Variants in KRTAP17-1 observed in about 807,000 individuals in gnomAD.
KRTAP17-1 encodes the protein keratin associated protein 17-1, also known as keratin-associated protein 17-1.
KRTAP17-1 carries 2 observed loss-of-function variants against 10.4 expected under a neutral mutation model. The ratio of observed to expected loss-of-function variants is 0.19; its 90% CI spans 0.08 to 0.61. The LOEUF (loss-of-function observed/expected upper bound fraction) is 0.61. KRTAP17-1 is among the 20% of genes least tolerant of loss of function. The probability of loss-of-function intolerance (pLI) is 0.89; values close to 1 mark genes in which losing one functional copy is unlikely to be tolerated. For synonymous variants in KRTAP17-1, 62 were observed against 52.7 expected (o/e 1.18, Z -0.77); for missense variants, 143 against 136.8 (o/e 1.05, Z -0.23).
In KRTAP17-1 at chr17:41,315,374, G is replaced by T; in HGVS notation, c.277C>A (p.Pro93Thr). Reference sequence around the variant, plus strand: ...ATAGGTGTGGGCTGGCAGCACACAGGCCCACAGCACCCGGAGCCGCAGCAA... The same window carrying T: ...ATAGGTGTGGGCTGGCAGCACACAGTCCCACAGCACCCGGAGCCGCAGCAA... ...SSCCGSGCCG[P>T]VCCQPTPICD... is the part of the protein sequence containing the mutation. The change falls in exon 1 of 1, where the codon CCT becomes ACT. Residue 93 changes from proline to threonine, a missense_variant. By Grantham distance (38) the Pro-to-Thr change is conservative (BLOSUM62 -1). Coordinates refer to ENST00000334202, the MANE Select transcript of KRTAP17-1 (RefSeq NM_031964.2). 6.2e-7 allele frequency: 1 copy of T among 1,611,408 alleles called. No homozygotes were observed.
rs1482220751 is a variant in KRTAP17-1 at position 41,315,165 on chromosome 17, T to C, written c.*168A>G. 6.1e-6 allele frequency: 4 copies of C among 652,536 alleles called. No individual in the cohort carries two copies. The East Asian group carries it at 1.1e-4, about 18-fold the overall frequency. The allele number at this position is 652,536 out of a possible 1,614,324, so 40.4% of individuals were successfully genotyped here. ...ATCAGAGTATGGCTCTTGTTCTCGG[T>C]GCCTTGAAATACCAGAGAAGGTGTT... On this transcript the variant is annotated 3_prime_UTR_variant, in exon 1 of 1. Coordinates refer to ENST00000334202, the MANE Select transcript of KRTAP17-1 (RefSeq NM_031964.2).
rs1308280887 is a variant in KRTAP17-1 at position 41,315,270 on chromosome 17, C to A, written c.*63G>T. The A allele has an allele frequency of 1.3e-6, 2 of 1,488,442 alleles. No homozygotes were observed. Among genetic ancestry groups the A allele is most frequent in the South Asian group, 2.5e-5 (2 of 80,424 alleles). 92.2% of individuals were successfully genotyped at this position (1,488,442 alleles called of 1,614,324 possible). On this transcript the variant is annotated 3_prime_UTR_variant, in exon 1 of 1. Coordinates refer to ENST00000334202, the MANE Select transcript of KRTAP17-1 (RefSeq NM_031964.2). Reference sequence around the variant, plus strand: ...TATGGAAGGTTCTGGACACGAGGGGCTGTCCCCCTGGAGCAGATGGAGGCT... The same window carrying A: ...TATGGAAGGTTCTGGACACGAGGGGATGTCCCCCTGGAGCAGATGGAGGCT...
Position 41,315,422 on chromosome 17 carries a change from C to T in KRTAP17-1, c.229G>A (p.Gly77Arg). The change falls in exon 1 of 1, where the codon GGA becomes AGA. Residue 77 changes from glycine (G) to arginine (R), a missense_variant. Coordinates refer to ENST00000334202, the MANE Select transcript of KRTAP17-1 (RefSeq NM_031964.2). ...CAACTGGACCCACAGCAACTGGATC[C>T]ACAGCAGCCACCCCCGCAGCCTCCG... ...GCGGCGGGCCGSSCCGSSCCG... is the reference protein window; with the variant it reads ...GCGGCGGGCCRSSCCGSSCCG... The T allele has an allele frequency of 6.2e-7, 1 of 1,611,156 alleles. No homozygotes were observed. Among genetic ancestry groups the T allele is most frequent in the Non-Finnish European group, 8.5e-7 (1 of 1,179,122 alleles).
At position 41,314,976 on chromosome 17, in the gene KRTAP17-1, T is replaced by C. The variant is rs1367775375; in HGVS notation, c.*357A>G. The stretch of plus-strand genomic sequence containing the variant: ...ACAAAGAAGATGGACCTTTTTTGCA[T>C]CTCAAAGCTGCAGAAAGCCAGGGCG... On this transcript the variant is annotated 3_prime_UTR_variant, in exon 1 of 1. Transcript: ENST00000334202. 2 of 212,402 alleles carry C rather than the reference T, an allele frequency of 9.4e-6. No homozygotes were observed. Among genetic ancestry groups the C allele is most frequent in the East Asian group, 2.1e-4 (2 of 9,306 alleles). 13.2% of individuals were successfully genotyped at this position (212,402 alleles called of 1,614,324 possible).
At position 41,315,433 on chromosome 17, in the gene KRTAP17-1, C is replaced by T. The variant is rs1191573220; in HGVS notation, c.218G>A (p.Gly73Asp). 5 of 1,608,978 alleles carry T rather than the reference C, an allele frequency of 3.1e-6. No homozygotes were observed. Among genetic ancestry groups the T allele is most frequent in the Non-Finnish European group, 4.2e-6 (5 of 1,178,098 alleles). Residue 73 changes from glycine (G) to aspartate (D), a missense_variant, in exon 1 of 1, where the codon GGT becomes GAT. Transcript: ENST00000334202. ...ACAGCAACTGGATCCACAGCAGCCA[C>T]CCCCGCAGCCTCCGCAGCCTCCACA... is the stretch of plus-strand genomic sequence containing the variant. ...GGCGGCGGCG[G>D]GCCGSSCCGS...
chr17:41,315,676 C>T lies in KRTAP17-1; in HGVS notation c.-26G>A. ...GGTCCGGGCCCGTCAGCTCGCAGGT[C>T]GGTAACGCAGCCGGAGTTCCCCACG... On this transcript the variant is annotated 5_prime_UTR_variant, in exon 1 of 1. Transcript: ENST00000334202. 6.4e-7 allele frequency: 1 copy of T among 1,564,096 alleles called. No homozygotes were observed. Among genetic ancestry groups the T allele is most frequent in the Non-Finnish European group, 8.7e-7 (1 of 1,151,448 alleles).
rs1430575646 is a variant in KRTAP17-1 at position 41,315,317 on chromosome 17, G to A, written c.*16C>T. On this transcript the variant is annotated 3_prime_UTR_variant, in exon 1 of 1. Coordinates refer to ENST00000334202, the MANE Select transcript of KRTAP17-1 (RefSeq NM_031964.2). ...GGCTTTCGGTGGGACTGCATCAGTG[G>A]TGGAGGGAAAGGTCTTCATTTTGTG... 1.3e-6 allele frequency: 2 copies of A among 1,589,862 alleles called. No individual in the cohort carries two copies. Among genetic ancestry groups the A allele is most frequent in the African/African-American group, 2.7e-5 (2 of 74,750 alleles).
At position 41,315,390 on chromosome 17, in the gene KRTAP17-1, GCCGCAGCAACTGGAC is replaced by G. The variant is rs771865567; in HGVS notation, c.246_260del (p.Ser84_Ser88del). On this transcript the variant is annotated inframe_deletion, in exon 1 of 1. Coordinates refer to ENST00000334202, the MANE Select transcript of KRTAP17-1 (RefSeq NM_031964.2). ...AGCACACAGGCCCACAGCACCCGGA[GCCGCAGCAACTGGAC>G]CCACAGCAACTGGATCCACAGCAGC... 3.1e-6 allele frequency: 5 copies of G among 1,612,424 alleles called. No homozygotes were observed. The East Asian group carries it at 8.9e-5, about 29-fold the overall frequency.
Position 41,315,364 on chromosome 17 carries a change from C to T in KRTAP17-1, c.287G>A (p.Cys96Tyr). 1.2e-6 allele frequency: 2 copies of T among 1,610,728 alleles called. No individual in the cohort carries two copies. The highest frequency in any genetic ancestry group is 2.2e-5 in the East Asian group (1 of 44,850). Residue 96 changes from cysteine (C) to tyrosine (Y), a missense_variant, in exon 1 of 1, where the codon TGC (cysteine) becomes TAC (tyrosine). Cys to Tyr is a radical substitution (Grantham distance 194, BLOSUM62 -2). Coordinates refer to ENST00000334202, the MANE Select transcript of KRTAP17-1 (RefSeq NM_031964.2). ...TGTGTCGCATATAGGTGTGGGCTGG[C>T]AGCACACAGGCCCACAGCACCCGGA... ...CGSGCCGPVC[C>Y]QPTPICDTK
Position 41,315,111 on chromosome 17 carries a change from A to G in KRTAP17-1, c.*222T>C, listed in dbSNP as rs1053420244. On this transcript the variant is annotated 3_prime_UTR_variant, in exon 1 of 1. Coordinates refer to ENST00000334202, the MANE Select transcript of KRTAP17-1 (RefSeq NM_031964.2). ...GGGATTCACCCTTGAGCTTGGGATC[A>G]CTTAGTTGTGACCGAGTTTTAATGT... 1.7e-6 allele frequency: 1 copy of G among 575,666 alleles called. No individual in the cohort carries two copies. Among genetic ancestry groups the G allele is most frequent in the Non-Finnish European group, 3.1e-6 (1 of 324,444 alleles). 35.7% of individuals were successfully genotyped at this position (575,666 alleles called of 1,614,324 possible).
In KRTAP17-1 at chr17:41,315,522, G is replaced by A. The variant is rs368577794; in HGVS notation, c.129C>T (p.Cys43=). The A allele has an allele frequency of 1.0e-5, 16 of 1,570,216 alleles. No homozygotes were observed. Among genetic ancestry groups the A allele is most frequent in the East Asian group, 2.3e-5 (1 of 42,976 alleles). The change falls in exon 1 of 1, where the codon TGC becomes TGT. Residue 43 remains cysteine (C), a synonymous_variant. Coordinates refer to ENST00000334202, the MANE Select transcript of KRTAP17-1 (RefSeq NM_031964.2). ...AGCTGCCCCCGCAGCCAGAGCCCCC[G>A]CAGCCAGAGCCCCCACAGCCACAGC... The part of the protein sequence containing the change: ...GSCCGCGGSG[C]GGSGCGGSCC...
Position 41,315,651 on chromosome 17 carries a change from G to A in KRTAP17-1, c.-1C>T, listed in dbSNP as rs1453010813. The A allele has an allele frequency of 6.3e-7, 1 of 1,592,246 alleles. No homozygotes were observed. The highest frequency in any genetic ancestry group is 1.7e-5 in the Admixed American group (1 of 59,010). ...AGCAGTCCCCCGGGCAGCACCCCAT[G>A]GTCCGGGCCCGTCAGCTCGCAGGTC... is the stretch of plus-strand genomic sequence containing the variant. On this transcript the variant is annotated 5_prime_UTR_variant, in exon 1 of 1. Coordinates refer to ENST00000334202, the MANE Select transcript of KRTAP17-1 (RefSeq NM_031964.2).
In KRTAP17-1 at chr17:41,315,637, G is replaced by C; in HGVS notation, c.14C>G (p.Pro5Arg). Residue 5 changes from proline (P) to arginine (R), a missense_variant, in exon 1 of 1, where the codon CCG becomes CGG. Transcript: ENST00000334202. ...GGTGCAGCAGGTGAAGCAGTCCCCC[G>C]GGCAGCACCCCATGGTCCGGGCCCG... MGCCPGDCFTCCTQE... is the reference protein window; with the variant it reads MGCCRGDCFTCCTQE... The C allele has an allele frequency of 6.2e-7, 1 of 1,605,382 alleles. No homozygotes were observed. Among genetic ancestry groups the C allele is most frequent in the Non-Finnish European group, 8.5e-7 (1 of 1,174,208 alleles).
In KRTAP17-1 at chr17:41,315,294, C is replaced by T. The variant is rs766999886; in HGVS notation, c.*39G>A. 1.8e-5 allele frequency: 28 copies of T among 1,559,290 alleles called. No individual in the cohort carries two copies. The highest frequency in any genetic ancestry group is 2.3e-5 in the Non-Finnish European group (27 of 1,154,200). On this transcript the variant is annotated 3_prime_UTR_variant, in exon 1 of 1. Coordinates refer to ENST00000334202, the MANE Select transcript of KRTAP17-1 (RefSeq NM_031964.2). ...GCTGTCCCCCTGGAGCAGATGGAGG[C>T]TTTCGGTGGGACTGCATCAGTGGTG...
chr17:41,315,264 G>T lies in KRTAP17-1; in HGVS notation c.*69C>A. ...TGGGGGTATGGAAGGTTCTGGACAC[G>T]AGGGGCTGTCCCCCTGGAGCAGATG... On this transcript the variant is annotated 3_prime_UTR_variant, in exon 1 of 1. Coordinates refer to ENST00000334202, the MANE Select transcript of KRTAP17-1 (RefSeq NM_031964.2). 6.8e-7 allele frequency: 1 copy of T among 1,463,864 alleles called. No individual in the cohort carries two copies. The highest frequency in any genetic ancestry group is 9.3e-7 in the Non-Finnish European group (1 of 1,077,496). 90.7% of individuals were successfully genotyped at this position (1,463,864 alleles called of 1,614,324 possible).
In KRTAP17-1 at chr17:41,315,700, C is replaced by G; in HGVS notation, c.-50G>C. 1 of 1,516,782 alleles carries G rather than the reference C, an allele frequency of 6.6e-7. No individual in the cohort carries two copies. The highest frequency in any genetic ancestry group is 8.9e-7 in the Non-Finnish European group (1 of 1,121,574). The allele number at this position is 1,516,782 out of a possible 1,614,324, so 94.0% of individuals were successfully genotyped here. On this transcript the variant is annotated 5_prime_UTR_variant, in exon 1 of 1. Coordinates refer to ENST00000334202, the MANE Select transcript of KRTAP17-1 (RefSeq NM_031964.2). The stretch of plus-strand genomic sequence containing the variant: ...TCGGTAACGCAGCCGGAGTTCCCCA[C>G]GACTGACGGTGGCCAGCCATCTGGA...
In KRTAP17-1 at chr17:41,315,259, G is replaced by T; in HGVS notation, c.*74C>A. The T allele has an allele frequency of 6.9e-7, 1 of 1,442,878 alleles. No individual in the cohort carries two copies. Among genetic ancestry groups the T allele is most frequent in the Non-Finnish European group, 9.4e-7 (1 of 1,060,662 alleles). The allele number at this position is 1,442,878 out of a possible 1,614,324, so 89.4% of individuals were successfully genotyped here. A position where few individuals can be genotyped will look rare whatever the true frequency, so the allele number is the denominator to read the frequency against. ...TGTCTTGGGGGTATGGAAGGTTCTGGACACGAGGGGCTGTCCCCCTGGAGC... is the reference window on the plus strand; with the variant it reads ...TGTCTTGGGGGTATGGAAGGTTCTGTACACGAGGGGCTGTCCCCCTGGAGC... On this transcript the variant is annotated 3_prime_UTR_variant, in exon 1 of 1. Coordinates refer to ENST00000334202, the MANE Select transcript of KRTAP17-1 (RefSeq NM_031964.2).
rs1233553172 is a variant in KRTAP17-1, at chr17:41,315,611, G to T, written c.40C>A (p.Gln14Lys). ...CACTCTTCACAGCAGTTTTGCTCCT[G>T]GGTGCAGCAGGTGAAGCAGTCCCCC... ...CPGDCFTCCT[Q>K]EQNCCEECCC... The change falls in exon 1 of 1, where the codon CAG (glutamine) becomes AAG (lysine). Residue 14 changes from glutamine to lysine, a missense_variant. Coordinates refer to ENST00000334202, the MANE Select transcript of KRTAP17-1 (RefSeq NM_031964.2). 9 of 1,612,946 alleles carry T rather than the reference G, an allele frequency of 5.6e-6. No individual in the cohort carries two copies. Among genetic ancestry groups the T allele is most frequent in the Non-Finnish European group, 7.6e-6 (9 of 1,179,316 alleles).
rs1378007822 is a variant in KRTAP17-1 at position 41,315,405 on chromosome 17, CCCACAGCAACTGGAT to C, written c.231_245del (p.Ser84_Ser88del). 36 of 1,612,580 alleles carry C rather than the reference CCCACAGCAACTGGAT, an allele frequency of 2.2e-5. No individual in the cohort carries two copies. Among genetic ancestry groups the C allele is most frequent in the African/African-American group, 4.0e-5 (3 of 74,880 alleles). On this transcript the variant is annotated inframe_deletion, in exon 1 of 1. Transcript: ENST00000334202. ...AGCACCCGGAGCCGCAGCAACTGGA[CCCACAGCAACTGGAT>C]CCACAGCAGCCACCCCCGCAGCCTC...
Sources: gnomAD v4.1 joint callset for allele counts on GRCh38, gnomAD v4.1.1 for gene constraint, MANE v1.5 for transcripts, NCBI Gene and HGNC (gene_info 2026-07-23, HGNC 2026-07-21) for gene names.